The following CLK1 variants were observed in gnomAD, a reference collection of about 807,000 sequenced individuals.
CLK1 encodes the protein CDC like kinase 1.
Under a neutral mutation model 60.9 loss-of-function variants are expected in CLK1, and 40 were observed. That is an observed-to-expected ratio of 0.66 (90% CI 0.51 to 0.86). The LOEUF (loss-of-function observed/expected upper bound fraction) is 0.86. Ranked by LOEUF, CLK1 falls within the 40% of genes least tolerant of loss-of-function variation. The probability of loss-of-function intolerance (pLI) is 0.00; values close to 1 mark genes in which losing one functional copy is unlikely to be tolerated. For missense variants in CLK1, 563 were observed against 606.1 expected, an observed-to-expected ratio of 0.93 and a Z score of 0.75; for synonymous variants, 203 against 184.4, an observed-to-expected ratio of 1.10 and a Z score of -0.82.
At position 200,855,316 on chromosome 2, in the gene CLK1, G is replaced by GAT. The variant is rs1251325073; in HGVS notation, c.1058-232_1058-231dup. ...CACAGCGAGATCCCACCTCTATTAA[G>GAT]ATATATATATATCTGAATTGGCCGG... On this transcript the variant is annotated intron_variant, in intron 9 of 12. Transcript: ENST00000321356. 4.6e-3 allele frequency among the ~76,000 whole-genome samples: 698 copies of GAT among 151,456 alleles called. 6 individuals carry two copies. Among genetic ancestry groups the GAT allele is most frequent in the African/African-American group, 0.016 (650 of 41,258 alleles).
At position 200,857,612 on chromosome 2, in the gene CLK1, C is replaced by T. The variant is rs533415389; in HGVS notation, c.832+106G>A. The T allele has an allele frequency of 1.1e-4, 101 of 916,860 alleles. No homozygotes were observed. The African/African-American group carries it at 1.5e-3, about 14-fold the overall frequency. 56.8% of individuals were successfully genotyped at this position (916,860 alleles called of 1,614,324 possible). A position where few individuals can be genotyped will look rare whatever the true frequency, so the allele number is the denominator to read the frequency against. On this transcript the variant is annotated intron_variant, in intron 7 of 12. Transcript: ENST00000321356. ...AATCTCTTCATACCTATTCTTCCTC[C>T]CCCTTTATTTTTAATCAAATAAAAA...
At chr2:200,860,246 C>A (rs376007711) in intron 3 of CLK1, 31 bp from the exon 4 acceptor site, 1 of 1,613,592 alleles carries the variant, frequency 6.2e-7, no homozygotes, top group African/African-American at 1.3e-5. Context: ...GCACCAAGAT[C>A]ATCCAGCCAA....
In CLK1 at chr2:200,856,121, G is replaced by A. The variant is rs1276868389; in HGVS notation, c.1057+561C>T. Reference sequence around the variant, plus strand: ...GGAGTCTCGCTCTGTCGCCCAGGCCGGAGTGCAGTGGCGCAATCTTGGCTC... The same window carrying A: ...GGAGTCTCGCTCTGTCGCCCAGGCCAGAGTGCAGTGGCGCAATCTTGGCTC... On this transcript the variant is annotated intron_variant, in intron 9 of 12. Transcript: ENST00000321356. 2.0e-5 allele frequency among the ~76,000 whole-genome samples: 3 copies of A among 151,630 alleles called. No homozygotes were observed. The South Asian group carries it at 6.3e-4, about 32-fold the overall frequency.
Position 200,856,820 on chromosome 2 carries a change from C to T in CLK1, c.928-9G>A. The T allele has an allele frequency of 6.2e-7, 1 of 1,612,316 alleles. No individual in the cohort carries two copies. Among genetic ancestry groups the T allele is most frequent in the South Asian group, 1.1e-5 (1 of 90,760 alleles). On this transcript the variant is annotated splice_polypyrimidine_tract_variant and intron_variant, in intron 8 of 12. Transcript: ENST00000321356. ...GTGCGTTCATCACGTTTCTGAAAAT[C>T]ATAAATGATGGTTAAGAAGGCATAA... is the stretch of plus-strand genomic sequence containing the variant.
At chr2:200,855,166 CT>C in intron 9 of CLK1, 80 bp from the exon 10 acceptor site, 7 of 1,039,956 alleles carry the variant, frequency 6.7e-6, no homozygotes, top group East Asian at 2.6e-5. Context: ...AACACTAATA[CT>C]TTAAAAAAAA....
chr2:200,854,635 G>C lies in CLK1; in HGVS notation c.1201C>G (p.His401Asp), dbSNP rs898686830. Residue 401 changes from histidine to aspartate, a missense_variant, in exon 11 of 13, where the codon CAT (histidine) becomes GAT (aspartate). Coordinates refer to ENST00000321356, the MANE Select transcript of CLK1 (RefSeq NM_004071.4). ...MERILGPLPK[H>D]MIQKTRKRKY... The stretch of plus-strand genomic sequence containing the variant: ...ACGTACCTGGTTTTCTGTATCATAT[G>C]TTTTGGTAGAGGTCCAAGAATCCTT... 1.2e-6 allele frequency: 2 copies of C among 1,600,212 alleles called. No homozygotes were observed. The highest frequency in any genetic ancestry group is 8.6e-7 in the Non-Finnish European group (1 of 1,167,568).
At chr2:200,859,852 C>A in intron 4 of CLK1, 106 bp from the exon 5 acceptor site, 2 of 1,516,512 alleles carry the variant, frequency 1.3e-6, no homozygotes, top group Non-Finnish European at 1.8e-6. Flanking sequence ...TACAAATTTC[C>A]TTATCACTAG....
chr2:200,853,861 A>G (rs1386679320), intron 12 of CLK1, 42 bp downstream of exon 12: 11 of 1,449,010 alleles, frequency 7.6e-6, no homozygotes, highest in Non-Finnish European at 1.0e-5. Context: ...CAAACAGAAG[A>G]AACTCAGTTT....
At chr2:200,857,417 CTTTCT>C (rs929413802) in intron 7 of CLK1, 6 of 276,704 alleles carry the variant, frequency 2.2e-5, no homozygotes, top group Admixed American at 4.7e-5. Context: ...TCTTATGAAG[CTTTCT>C]TTTATGAGAT....
At position 200,857,865 on chromosome 2, in the gene CLK1, C is replaced by G; in HGVS notation, c.685G>C (p.Glu229Gln). The G allele has an allele frequency of 6.2e-7, 1 of 1,613,264 alleles. No individual in the cohort carries two copies. Among genetic ancestry groups the G allele is most frequent in the Non-Finnish European group, 8.5e-7 (1 of 1,179,486 alleles). The change falls in exon 7 of 13, where the codon GAA becomes CAA. Residue 229 changes from glutamate to glutamine, a missense_variant. Coordinates refer to ENST00000321356, the MANE Select transcript of CLK1 (RefSeq NM_004071.4). ...ATGTGACCATGATGCTCAAACCATT[C>G]CAACATCTGGACACAGCGGCTACAA... ...NSTFRCVQMLEWFEHHGHICI... is the reference protein window; with the variant it reads ...NSTFRCVQMLQWFEHHGHICI...
rs767227866 is a variant in CLK1, at chr2:200,861,853, AGT to A, written c.8_9del (p.His3LeufsTer8). 3 of 1,613,922 alleles carry A rather than the reference AGT, an allele frequency of 1.9e-6. No individual in the cohort carries two copies. The South Asian group carries it at 3.3e-5, about 18-fold the overall frequency. On this transcript the variant is annotated frameshift_variant, in exon 2 of 13. Coordinates refer to ENST00000321356, the MANE Select transcript of CLK1 (RefSeq NM_004071.4). LOFTEE classifies it high-confidence loss of function. ...CAATCAGGACAGTAAGTTCTCTTTG[AGT>A]GTCTCATCTACATAAAAGGCAAGTT... is the stretch of plus-strand genomic sequence containing the variant. MR[H>X]SKRTYCPDWD... is the part of the protein sequence containing the mutation.
chr2:200,863,930 C>A (rs1348589214), intron 1 of CLK1, among the ~76,000 whole-genome samples: 2 of 152,250 alleles, frequency 1.3e-5, no homozygotes, highest in East Asian at 3.9e-4. Flanking sequence ...CACCTGACTT[C>A]TGTCACAACG....
chr2:200,855,878 G>C (rs1030550964), intron 9 of CLK1, among the ~76,000 whole-genome samples: 2 of 146,844 alleles, frequency 1.4e-5, no homozygotes, highest in South Asian at 4.4e-4. Flanking sequence ...GTGTGGTGGT[G>C]GGTGCCTATA....
chr2:200,860,023 A>G (rs571341896), intron 4 of CLK1, 102 bp downstream of exon 4: 1,310 of 1,502,456 alleles, frequency 8.7e-4, no homozygotes, highest in Non-Finnish European at 1.1e-3. Flanking sequence ...AAACAAAAAC[A>G]AAAAAGAGAA....
rs546143083 is a variant in CLK1, at chr2:200,862,484, A to C, written c.1-622T>G. On this transcript the variant is annotated intron_variant, in intron 1 of 12. Coordinates refer to ENST00000321356, the MANE Select transcript of CLK1 (RefSeq NM_004071.4). The stretch of plus-strand genomic sequence containing the variant: ...CGCCCTTGAGAATGTACTTTGTGAG[A>C]TCCGCCCCCTGCTCCCAAAACATTG... 2.0e-4 allele frequency among the ~76,000 whole-genome samples: 30 copies of C among 151,744 alleles called. 1 individual carries two copies. Among genetic ancestry groups the C allele is most frequent in the African/African-American group, 6.5e-4 (27 of 41,310 alleles).
intron 7 of CLK1, 56 bp downstream of exon 7, chr2:200,857,662 T>C: frequency 7.0e-7 from 1 of 1,437,348 alleles, no homozygotes; most frequent in Non-Finnish European, 9.4e-7. Context: ...GATGCACATT[T>C]TGATATGTGG....
At chr2:200,862,580 T>A (rs540422447) in intron 1 of CLK1, among the ~76,000 whole-genome samples, 1 of 152,200 alleles carries the variant, frequency 6.6e-6, no homozygotes, top group African/African-American at 2.4e-5. Flanking sequence ...TGCCGACTCC[T>A]TTTTCTGACT....
chr2:200,862,108 A>T (rs2039148945), intron 1 of CLK1, among the ~76,000 whole-genome samples: 1 of 151,928 alleles, frequency 6.6e-6, no homozygotes, highest in Non-Finnish European at 1.5e-5. Context: ...ATGCAAAAAA[A>T]AAAAAAAGTG....
Position 200,860,190 on chromosome 2 carries a change from C to T in CLK1, c.416G>A (p.Arg139Lys), listed in dbSNP as rs1182334680. The change falls in exon 4 of 13, where the codon AGG (arginine) becomes AAG (lysine). Residue 139 changes from arginine (R) to lysine (K), a missense_variant. Physicochemically the swap from Arg to Lys is conservative, Grantham distance 26 (BLOSUM62 2). Around this residue, in one of 3 missense-constraint regions of CLK1, gnomAD observed 198 missense variants for 179.2 expected, o/e 1.10. Transcript: ENST00000321356. ...HGKSHRRKRTRSVEDDEEGHL... is the reference protein window; with the variant it reads ...HGKSHRRKRTKSVEDDEEGHL... ...ACCCTCCTCATCATCCTCTACACTC[C>T]TGGTTCTTTTCCTTCGGTGACTCTT... The T allele has an allele frequency of 6.2e-7, 1 of 1,614,088 alleles. No individual in the cohort carries two copies. Among genetic ancestry groups the T allele is most frequent in the Middle Eastern group, 1.6e-4 (1 of 6,062 alleles).
Sources: allele counts gnomAD v4.1 joint callset (sites outside exome capture counted in the v4.1 genomes callset), GRCh38; gene constraint gnomAD v4.1.1; regional missense constraint gnomAD v4.1.1; transcripts MANE v1.5; gene names NCBI Gene and HGNC (gene_info 2026-07-23, HGNC 2026-07-21).